The following WDR43 variants were observed in gnomAD, a reference collection of about 807,000 sequenced individuals.
WDR43 encodes the protein WD repeat domain 43, also known as WD repeat-containing protein 43.
A neutral mutation model predicts 91.4 loss-of-function variants in WDR43; 13 were observed. The observed-to-expected ratio is 0.14, with a 90% confidence interval of 0.09 to 0.23. The LOEUF (loss-of-function observed/expected upper bound fraction) is 0.23. Among genes scored for constraint, WDR43 ranks in the 10% least tolerant of loss-of-function variants. The pLI, the probability that WDR43 is intolerant of heterozygous loss-of-function variation, is 1.00. For missense variants in WDR43, 780 were observed against 809.4 expected (o/e 0.96, Z 0.44); for synonymous variants, 331 against 287.9 (o/e 1.15, Z -1.51).
chr2:28,901,973 T>C lies in WDR43; in HGVS notation c.226-14T>C. 6.3e-7 allele frequency: 1 copy of C among 1,580,838 alleles called. No homozygotes were observed. Among genetic ancestry groups the C allele is most frequent in the Non-Finnish European group, 8.5e-7 (1 of 1,169,968 alleles). On this transcript the variant is annotated splice_polypyrimidine_tract_variant and intron_variant, in intron 1 of 17. Transcript: ENST00000407426. ...GCAATACTAAATAAAAACATTGTTT[T>C]TCTTTTTTTCCAGGAAAGTCCCCAG... is the stretch of plus-strand genomic sequence containing the variant.
chr2:28,936,172 C>T (rs1671333737), intron 12 of WDR43, among the ~76,000 whole-genome samples: 1 of 151,404 alleles, frequency 6.6e-6, no homozygotes, highest in Non-Finnish European at 1.5e-5. Flanking sequence ...CTAGCCTAGG[C>T]AACATAGCAA....
chr2:28,937,730 T>G (rs909268462), intron 13 of WDR43, among the ~76,000 whole-genome samples: 1 of 152,178 alleles, frequency 6.6e-6, no homozygotes, highest in African/African-American at 2.4e-5. Context: ...CCCCAATCCC[T>G]GCCCAAGGTC....
intron 6 of WDR43, 120 bp from the exon 7 acceptor site, chr2:28,922,799 T>TTTTG (rs1671058601): frequency 3.7e-6 from 1 of 269,214 alleles, no homozygotes; most frequent in Non-Finnish European, 6.7e-6. Flanking sequence ...CTTGCTGTGT[T>TTTTG]TTTTTTTTTT....
At position 28,895,356 on chromosome 2, in the gene WDR43, A is replaced by G. The variant is rs913480114; in HGVS notation, c.225+433A>G. 6 of 159,370 alleles carry G rather than the reference A, an allele frequency of 3.8e-5. No individual in the cohort carries two copies. In the Admixed American group the frequency reaches 3.9e-4, roughly 10 times the overall value. The allele number at this position is 159,370 out of a possible 1,614,324, so 9.9% of individuals were successfully genotyped here. A position where few individuals can be genotyped will look rare whatever the true frequency, so the allele number is the denominator to read the frequency against. ...ATCAGTTTTGCACTGGGCAGTTGGTATGGACTAGTCTGTACTTGCTTCCGG... is the reference window on the plus strand; with the variant it reads ...ATCAGTTTTGCACTGGGCAGTTGGTGTGGACTAGTCTGTACTTGCTTCCGG... On this transcript the variant is annotated intron_variant, in intron 1 of 17. Coordinates refer to ENST00000407426, the MANE Select transcript of WDR43 (RefSeq NM_015131.3).
At chr2:28,941,358 G>A (rs577441695) in intron 14 of WDR43, 103 bp from the exon 15 acceptor site, 1 of 776,076 alleles carries the variant, frequency 1.3e-6, no homozygotes, top group African/African-American at 1.7e-5. Context: ...GTAAGCAGAT[G>A]TGTGTGGTGC....
chr2:28,929,451 T>G, intron 10 of WDR43, 128 bp from the exon 11 acceptor site: 59 of 806,900 alleles, frequency 7.3e-5, no homozygotes, highest in Non-Finnish European at 9.8e-5. Context: ...GGAATAAGAA[T>G]GAGCATATTA....
chr2:28,929,456 A>G (rs1671200514), intron 10 of WDR43, 123 bp from the exon 11 acceptor site: 2 of 860,790 alleles, frequency 2.3e-6, no homozygotes, highest in East Asian at 3.1e-5. Flanking sequence ...AAGAATGAGC[A>G]TATTAGTGTT....
rs889679958 is a variant in WDR43, at chr2:28,946,821, C to T, written c.*42C>T. 2 of 1,512,948 alleles carry T rather than the reference C, an allele frequency of 1.3e-6. No homozygotes were observed. Among genetic ancestry groups the T allele is most frequent in the Non-Finnish European group, 1.8e-6 (2 of 1,135,122 alleles). 93.7% of individuals were successfully genotyped at this position (1,512,948 alleles called of 1,614,324 possible). On this transcript the variant is annotated 3_prime_UTR_variant, in exon 18 of 18. Coordinates refer to ENST00000407426, the MANE Select transcript of WDR43 (RefSeq NM_015131.3). ...CGGTCAAACTATATAAACTCTGGCT[C>T]ACCTTGCCCAGTGGTGAGGGCTGCC...
chr2:28,912,745 TATAGAGTAA>T, intron 4 of WDR43, 35 bp downstream of exon 4: 2 of 1,608,690 alleles, frequency 1.2e-6, no homozygotes, highest in Non-Finnish European at 1.7e-6. Context: ...GCATAAAAAT[TATAGAGTAA>T]ACACAGAGAA....
Position 28,942,255 on chromosome 2 carries a change from GT to G in WDR43, c.1735-56del, listed in dbSNP as rs375447950. The G allele has an allele frequency of 2.3e-4, 356 of 1,555,682 alleles. 5 individuals carry two copies. The highest frequency in any genetic ancestry group is 2.2e-3 in the South Asian group (192 of 86,128). ...GGGAAGGTTGGGTATGCTGGTGGTC[GT>G]GATACTTGGGATATGTTTACACTCT... On this transcript the variant is annotated intron_variant, in intron 15 of 17. Transcript: ENST00000407426.
At position 28,939,871 on chromosome 2, in the gene WDR43, G is replaced by A. The variant is rs562610659; in HGVS notation, c.1621-1590G>A. Among the ~76,000 whole-genome samples, 599 of 152,260 alleles carry A rather than the reference G, an allele frequency of 3.9e-3. 3 individuals carry two copies. Among genetic ancestry groups the A allele is most frequent in the Non-Finnish European group, 6.0e-3 (405 of 68,014 alleles). ...ACCTGTAATCCCTGCACTTTGGGAG[G>A]CTGAGGCGGGTGGATCATGAGTTCA... On this transcript the variant is annotated intron_variant, in intron 14 of 17. Transcript: ENST00000407426.
chr2:28,894,756 G>A lies in WDR43; in HGVS notation c.58G>A (p.Ala20Thr), dbSNP rs370904723. The A allele has an allele frequency of 1.1e-5, 17 of 1,599,962 alleles. No individual in the cohort carries two copies. The African/African-American group carries it at 1.6e-4, about 15-fold the overall frequency. Reference sequence around the variant, plus strand: ...CCTGGCCCCTGCTGGGGTCCCTTGCGCCTTCTCCCCGCACAGCCAGGCCTA... The same window carrying A: ...CCTGGCCCCTGCTGGGGTCCCTTGCACCTTCTCCCCGCACAGCCAGGCCTA... The part of the protein sequence containing the change: ...DPLAPAGVPC[A>T]FSPHSQAYFA... The change falls in exon 1 of 18, where the codon GCC (alanine) becomes ACC (threonine). Residue 20 changes from alanine to threonine, a missense_variant. Ala to Thr is a moderately conservative substitution (Grantham distance 58). Transcript: ENST00000407426.
intron 1 of WDR43, 139 bp from the exon 2 acceptor site, chr2:28,901,848 G>A (rs1203190803): frequency 2.5e-6 from 2 of 807,340 alleles, no homozygotes; most frequent in African/African-American, 3.5e-5. Context: ...GAAGTAGTGA[G>A]AAGTAAATCA....
chr2:28,917,510 G>A (rs964148733), intron 5 of WDR43, among the ~76,000 whole-genome samples: 1 of 152,058 alleles, frequency 6.6e-6, no homozygotes, highest in Non-Finnish European at 1.5e-5. Flanking sequence ...AATGACAATA[G>A]GCAAAATCAT....
chr2:28,917,581 G>T lies in WDR43; in HGVS notation c.747-312G>T, dbSNP rs116230888. Among the ~76,000 whole-genome samples, 187 of 152,268 alleles carry T rather than the reference G, an allele frequency of 1.2e-3. 1 individual carries two copies. Among genetic ancestry groups the T allele is most frequent in the African/African-American group, 4.2e-3 (176 of 41,552 alleles). On this transcript the variant is annotated intron_variant, in intron 5 of 17. Transcript: ENST00000407426. Reference sequence around the variant, plus strand: ...TGATTTCAAGACCTATTATCAAGCGGCACTAATCATGACAGTGTGGTATTA... The same window carrying T: ...TGATTTCAAGACCTATTATCAAGCGTCACTAATCATGACAGTGTGGTATTA...
intron 2 of WDR43, among the ~76,000 whole-genome samples, chr2:28,905,675 T>A (rs1670665509): frequency 6.6e-6 from 1 of 151,268 alleles, no homozygotes; most frequent in South Asian, 2.1e-4. Flanking sequence ...CTTTTTTTTT[T>A]TTTTTTTGAT....
intron 2 of WDR43, among the ~76,000 whole-genome samples, chr2:28,905,434 C>A (rs1037741608): frequency 6.6e-6 from 1 of 152,210 alleles, no homozygotes; most frequent in South Asian, 2.1e-4. Flanking sequence ...GCTATGGCCC[C>A]ATAGTACAAG....
chr2:28,941,321 A>C lies in WDR43; in HGVS notation c.1621-140A>C. On this transcript the variant is annotated intron_variant, in intron 14 of 17. Coordinates refer to ENST00000407426, the MANE Select transcript of WDR43 (RefSeq NM_015131.3). ...TCGTGATGTTGTTAGGCTATGTTGC[A>C]GGTAGCCACTGCCACTGGGAGTACT... 5 of 577,696 alleles carry C rather than the reference A, an allele frequency of 8.7e-6. No homozygotes were observed. In the South Asian group the frequency reaches 1.1e-4, roughly 13 times the overall value. The allele number at this position is 577,696 out of a possible 1,614,324, so 35.8% of individuals were successfully genotyped here.
intron 11 of WDR43, among the ~76,000 whole-genome samples, chr2:28,932,645 A>G (rs1466181061): frequency 6.6e-6 from 1 of 152,178 alleles, no homozygotes; most frequent in Non-Finnish European, 1.5e-5. Context: ...AGGATATTAA[A>G]AATAGGAACA....
Sources: allele counts gnomAD v4.1 joint callset (sites outside exome capture counted in the v4.1 genomes callset), GRCh38; gene constraint gnomAD v4.1.1; transcripts MANE v1.5; gene names NCBI Gene and HGNC (gene_info 2026-07-23, HGNC 2026-07-21).